CIAO3: variants seen among roughly 807,000 people sequenced by gnomAD.
CIAO3 encodes cytosolic iron-sulfur assembly component 3, also known as LET1 like/JFP15.
A neutral mutation model predicts 51.5 loss-of-function variants in CIAO3; 45 were observed. The observed-to-expected ratio is 0.87, with a 90% CI of 0.69 to 1.12. CIAO3 has a LOEUF of 1.12. CIAO3 is among the 50% of genes most tolerant of loss of function. The probability of loss-of-function intolerance (pLI) is 0.00; values close to 1 mark genes in which losing one functional copy is unlikely to be tolerated. For synonymous variants in CIAO3, 314 were observed against 269.3 expected, an observed-to-expected ratio of 1.17 and a Z score of -1.63; for missense variants, 668 against 632.5, an observed-to-expected ratio of 1.06 and a Z score of -0.60.
At chr16:736,645 C>T (rs959223896) in intron 3 of CIAO3, among the ~76,000 whole-genome samples, 2 of 151,976 alleles carry the variant, frequency 1.3e-5, no homozygotes. Flanking sequence ...GGATTACAGG[C>T]GTGAACCACC....
In CIAO3 at chr16:733,297, C is replaced by A; in HGVS notation, c.823+1G>T. ...CTCAGGGCCGCACGGCGTGACCGCA[C>A]CTGTTGTGAGGACACAGTCCACATC... On this transcript the variant is annotated splice_donor_variant, in intron 7 of 10. Coordinates refer to ENST00000251588, the MANE Select transcript of CIAO3 (RefSeq NM_022493.3). LOFTEE classifies it high-confidence loss of function. The A allele has an allele frequency of 6.2e-7, 1 of 1,613,324 alleles. No individual in the cohort carries two copies. The highest frequency in any genetic ancestry group is 8.5e-7 in the Non-Finnish European group (1 of 1,179,936).
intron 10 of CIAO3, 57 bp from the exon 11 acceptor site, chr16:730,712 A>C: frequency 1.3e-6 from 2 of 1,584,538 alleles, no homozygotes; most frequent in Non-Finnish European, 1.7e-6. Context: ...AAGCTTCCTG[A>C]CCACCAGGGA....
In CIAO3 at chr16:730,210, C is replaced by G. The variant is rs959288855; in HGVS notation, c.*207G>C. ...TTCTGCTGCCTGGGCCACCCCACCC[C>G]ACCTGGGCAGAGCCAGTGGGAACCC... is the stretch of plus-strand genomic sequence containing the variant. On this transcript the variant is annotated 3_prime_UTR_variant, in exon 11 of 11. Coordinates refer to ENST00000251588, the MANE Select transcript of CIAO3 (RefSeq NM_022493.3). 1.6e-6 allele frequency: 1 copy of G among 607,492 alleles called. No homozygotes were observed. Among genetic ancestry groups the G allele is most frequent in the South Asian group, 2.0e-5 (1 of 50,598 alleles). The allele number at this position is 607,492 out of a possible 1,614,324, so 37.6% of individuals were successfully genotyped here. A position where few individuals can be genotyped will look rare whatever the true frequency, so the allele number is the denominator to read the frequency against.
In CIAO3 at chr16:737,326, C is replaced by T. The variant is rs755220496; in HGVS notation, c.166G>A (p.Gly56Ser). 8.7e-6 allele frequency: 14 copies of T among 1,612,878 alleles called. No homozygotes were observed. In the African/African-American group the frequency reaches 1.1e-4, roughly 12 times the overall value. ...GCCTTCTCCAGCCTCCGGGTCCCGCCGTCCTACAAGGGAGAAGAACCCGGT... is the reference window on the plus strand; with the variant it reads ...GCCTTCTCCAGCCTCCGGGTCCCGCTGTCCTACAAGGGAGAAGAACCCGGT... ...DGSYFQINQD[G>S]GTRRLEKAKV... is the part of the protein sequence containing the mutation. Residue 56 changes from glycine to serine, a missense_variant, in exon 3 of 11, where the codon GGC becomes AGC. By Grantham distance (56) the Gly-to-Ser change is moderately conservative. Transcript: ENST00000251588. The surrounding 1 kb of genome is among the most constrained non-coding windows in gnomAD (Gnocchi z 5.3).
intron 5 of CIAO3, 63 bp downstream of exon 5, chr16:734,674 T>C (rs771906312): frequency 3.1e-6 from 5 of 1,612,056 alleles, no homozygotes; most frequent in Middle Eastern, 1.6e-4. Flanking sequence ...TTTGTGTCCA[T>C]ATCACCTCAC....
Position 733,437 on chromosome 16 carries a change from G to A in CIAO3, c.694-10C>T. 2 of 1,613,584 alleles carry A rather than the reference G, an allele frequency of 1.2e-6. No homozygotes were observed. The highest frequency in any genetic ancestry group is 1.1e-5 in the South Asian group (1 of 91,086). On this transcript the variant is annotated splice_polypyrimidine_tract_variant and intron_variant, in intron 6 of 10. Transcript: ENST00000251588. ...TGTCAGGGGTCAAGTGCTACAAGGA[G>A]AAACAAACACTTGTCTCCCCAATCC...
intron 8 of CIAO3, chr16:731,907 C>T (rs929992353): frequency 1.5e-5 from 10 of 687,072 alleles, no homozygotes; most frequent in South Asian, 6.8e-5. Flanking sequence ...CTTGCTCTGT[C>T]GCCCAGGCTG....
chr16:738,847 C>T (rs1054496473), intron 2 of CIAO3, among the ~76,000 whole-genome samples: 2 of 148,490 alleles, frequency 1.3e-5, no homozygotes, highest in African/African-American at 2.5e-5. Context: ...GGGGGTTGGC[C>T]AGGCTGGTCT....
Position 740,965 on chromosome 16 carries a change from C to T in CIAO3, c.21G>A (p.Gly7=). 7 of 1,516,572 alleles carry T rather than the reference C, an allele frequency of 4.6e-6. No individual in the cohort carries two copies. Among genetic ancestry groups the T allele is most frequent in the Non-Finnish European group, 6.2e-6 (7 of 1,135,942 alleles). 93.9% of individuals were successfully genotyped at this position (1,516,572 alleles called of 1,614,324 possible). Residue 7 remains glycine, a synonymous_variant, in exon 1 of 11, where the codon GGG becomes GGA. Coordinates refer to ENST00000251588, the MANE Select transcript of CIAO3 (RefSeq NM_022493.3). MASPFS[G]ALQLTDLDDF... is the part of the protein sequence containing the mutation. ...CATCCAGGTCCGTCAGCTGCAGCGC[C>T]CCGCTGAAGGGCGACGCCATGACGG...
chr16:732,991 A>C, intron 7 of CIAO3: 2 of 381,236 alleles, frequency 5.2e-6, no homozygotes, highest in Non-Finnish European at 9.9e-6. Flanking sequence ...CGACTCAGGA[A>C]TGGGGTGACT....
chr16:730,530 C>A lies in CIAO3; in HGVS notation c.1318G>T (p.Glu440Ter). The part of the protein sequence containing the change: ...EAPEDAPGVQ[E>*]LYTHWLQGTD... ...CCCTGCAGCCAGTGTGTGTACAGCTCCTGAACCCCAGGCGCGTCCTCGGGC... is the reference window on the plus strand; with the variant it reads ...CCCTGCAGCCAGTGTGTGTACAGCTACTGAACCCCAGGCGCGTCCTCGGGC... The change falls in exon 11 of 11, where the codon GAG (glutamate) becomes TAG (stop). Residue 440 changes from glutamate to a stop codon, truncating the protein, a stop_gained. Coordinates refer to ENST00000251588, the MANE Select transcript of CIAO3 (RefSeq NM_022493.3). LOFTEE classifies it low-confidence loss of function (END_TRUNC). 1 of 1,610,928 alleles carries A rather than the reference C, an allele frequency of 6.2e-7. No homozygotes were observed. Among genetic ancestry groups the A allele is most frequent in the Non-Finnish European group, 8.5e-7 (1 of 1,179,994 alleles).
Position 740,084 on chromosome 16 carries a change from G to A in CIAO3, c.67-346C>T, listed in dbSNP as rs1173406084. 5 of 1,341,734 alleles carry A rather than the reference G, an allele frequency of 3.7e-6. No homozygotes were observed. The South Asian group carries it at 4.9e-5, about 13-fold the overall frequency. The allele number at this position is 1,341,734 out of a possible 1,614,324, so 83.1% of individuals were successfully genotyped here. A position where few individuals can be genotyped will look rare whatever the true frequency, so the allele number is the denominator to read the frequency against. ...AGAGACCAGAGTTGCACTGCCCATCGAGAGGACGTGTGCTTGGATCTGTTT... is the reference window on the plus strand; with the variant it reads ...AGAGACCAGAGTTGCACTGCCCATCAAGAGGACGTGTGCTTGGATCTGTTT... On this transcript the variant is annotated intron_variant, in intron 1 of 10. Transcript: ENST00000251588.
At chr16:738,025 G>A in intron 2 of CIAO3, 1 of 1,120,812 alleles carries the variant, frequency 8.9e-7, no homozygotes. Context: ...GGAACTGTGT[G>A]GGAACCCCTC....
chr16:735,991 T>G (rs2041333179), intron 4 of CIAO3, among the ~76,000 whole-genome samples: 1 of 151,846 alleles, frequency 6.6e-6, no homozygotes. Flanking sequence ...CCGGAGAGAG[T>G]GCCTTAATAT....
Position 736,330 on chromosome 16 carries a change from AG to A in CIAO3, c.374del (p.Ala125ValfsTer6). ...CTGTAGGATTCAGCTGAAACCGTGCAGCCAGCGATGCTCTAGACTGTGGTGA... is the reference window on the plus strand; with the variant it reads ...CTGTAGGATTCAGCTGAAACCGTGCACCAGCGATGCTCTAGACTGTGGTGA... ...SVSPQSRASLAARFQLNPTDT... is the reference protein window; with the variant it reads ...SVSPQSRASLXARFQLNPTDT... On this transcript the variant is annotated frameshift_variant, in exon 4 of 11. Coordinates refer to ENST00000251588, the MANE Select transcript of CIAO3 (RefSeq NM_022493.3). LOFTEE classifies it high-confidence loss of function. 1 of 1,613,118 alleles carries A rather than the reference AG, an allele frequency of 6.2e-7. No individual in the cohort carries two copies. The highest frequency in any genetic ancestry group is 8.5e-7 in the Non-Finnish European group (1 of 1,179,822).
At chr16:740,661 C>A (rs1184325645) in intron 1 of CIAO3, 6 of 530,792 alleles carry the variant, frequency 1.1e-5, no homozygotes, top group Non-Finnish European at 2.0e-5. Context: ...CCCTCCCACG[C>A]AGCCCGCCCG....
chr16:733,658 C>A, intron 6 of CIAO3: 1 of 556,034 alleles, frequency 1.8e-6, no homozygotes, highest in Non-Finnish European at 3.1e-6. Flanking sequence ...CGCTCCCTAA[C>A]AGCCAAGTCC....
intron 2 of CIAO3, chr16:738,345 G>A: frequency 1.3e-6 from 1 of 741,086 alleles, no homozygotes; most frequent in South Asian, 6.5e-5. Context: ...AATTTTAATA[G>A]TTTCTTTTTT....
At chr16:739,836 A>T in intron 1 of CIAO3, 98 bp from the exon 2 acceptor site, 1 of 1,338,050 alleles carries the variant, frequency 7.5e-7, no homozygotes, top group South Asian at 1.3e-5. Context: ...CACAGCCTGA[A>T]GGCTCTGCCA....
Sources: gnomAD v4.1 joint callset for allele counts (sites outside exome capture counted in the v4.1 genomes callset) on GRCh38, gnomAD v4.1.1 for gene constraint, Gnocchi (gnomAD v3.1) non-coding constraint, MANE v1.5 for transcripts, NCBI Gene and HGNC (gene_info 2026-07-23, HGNC 2026-07-21) for gene names.